The following NR3C2 variants were observed in gnomAD, a reference collection of about 807,000 sequenced individuals.
The protein encoded by NR3C2 is mineralocorticoid receptor.
NR3C2 carries 15 observed loss-of-function variants against 86.4 expected under a neutral mutation model. The observed-to-expected ratio is 0.17, with a 90% CI of 0.12 to 0.27. The LOEUF is 0.27. Among genes scored for constraint, NR3C2 ranks in the 10% least tolerant of loss-of-function variants. The probability of loss-of-function intolerance (pLI) is 1.00; values close to 1 mark genes in which losing one functional copy is unlikely to be tolerated. For synonymous variants in NR3C2, 458 were observed against 450.5 expected (o/e 1.02, Z -0.21); for missense variants, 960 against 1,195.6 (o/e 0.80, Z 2.91).
At chr4:148,310,648 A>G (rs1401136188) in intron 2 of NR3C2, among the ~76,000 whole-genome samples, 1 of 152,092 alleles carries the variant, frequency 6.6e-6, no homozygotes, top group African/African-American at 2.4e-5. Flanking sequence ...TTCGCCTGGT[A>G]AATCAGCTCC....
chr4:148,177,757 C>T (rs1437963966), intron 4 of NR3C2, among the ~76,000 whole-genome samples: 1 of 152,080 alleles, frequency 6.6e-6, no homozygotes, highest in African/African-American at 2.4e-5. Flanking sequence ...ACCTATGATG[C>T]TTGGTTGTAA....
intron 8 of NR3C2, among the ~76,000 whole-genome samples, chr4:148,084,962 A>G (rs2358243): frequency 0.56 from 85,588 of 151,984 alleles, 24,695 homozygotes; most frequent in East Asian, 0.82. Flanking sequence ...AACTATCCTA[A>G]ATATATATGC....
intron 3 of NR3C2, among the ~76,000 whole-genome samples, chr4:148,235,557 T>A (rs1738708986): frequency 1.3e-5 from 2 of 152,300 alleles, no homozygotes; most frequent in African/African-American, 4.8e-5. Context: ...ACACAACCAT[T>A]CTGAAATGTG....
intron 2 of NR3C2, among the ~76,000 whole-genome samples, chr4:148,361,946 T>A (rs1745860037): frequency 6.6e-6 from 1 of 152,174 alleles, no homozygotes; most frequent in East Asian, 1.9e-4. Flanking sequence ...CAAGCAATTC[T>A]CCCGCCTCAG....
chr4:148,287,506 A>G (rs1376563222), intron 2 of NR3C2, among the ~76,000 whole-genome samples: 1 of 152,184 alleles, frequency 6.6e-6, no homozygotes, highest in African/African-American at 2.4e-5. Context: ...TTGGAAGAAC[A>G]CTTTAGTGAA....
intron 3 of NR3C2, among the ~76,000 whole-genome samples, chr4:148,212,830 CT>C (rs1335965341): frequency 1.3e-5 from 2 of 152,174 alleles, no homozygotes; most frequent in Non-Finnish European, 2.9e-5. Flanking sequence ...GCCTCTGCCT[CT>C]TTATAAGGAC....
intron 2 of NR3C2, among the ~76,000 whole-genome samples, chr4:148,359,766 C>A (rs1482982886): frequency 6.6e-6 from 1 of 152,052 alleles, no homozygotes; most frequent in African/African-American, 2.4e-5. Context: ...CAGAATGTTA[C>A]GTGTCATTTC....
In NR3C2 at chr4:148,081,175, G is replaced by A. The variant is rs1047633565; in HGVS notation, c.*169C>T. On this transcript the variant is annotated 3_prime_UTR_variant, in exon 9 of 9. Coordinates refer to ENST00000358102, the MANE Select transcript of NR3C2 (RefSeq NM_000901.5). ...ACTGCTCTGGTCTCGCCAAATCCAC[G>A]GAAAAACAGCTTTCCCGGCTCCAAA... The A allele has an allele frequency of 1.9e-5, 18 of 930,088 alleles. No homozygotes were observed. Among genetic ancestry groups the A allele is most frequent in the South Asian group, 1.2e-4 (8 of 65,942 alleles). 57.6% of individuals were successfully genotyped at this position (930,088 alleles called of 1,614,324 possible). A position where few individuals can be genotyped will look rare whatever the true frequency, so the allele number is the denominator to read the frequency against.
At chr4:148,387,022 T>C (rs1487364678) in intron 2 of NR3C2, among the ~76,000 whole-genome samples, 1 of 152,164 alleles carries the variant, frequency 6.6e-6, no homozygotes, top group East Asian at 1.9e-4. Context: ...ATTTCTCAGC[T>C]GAGAAACTAA....
chr4:148,179,970 T>C (rs967319782), intron 4 of NR3C2, among the ~76,000 whole-genome samples: 1 of 151,696 alleles, frequency 6.6e-6, no homozygotes, highest in African/African-American at 2.4e-5. Context: ...TTATTGTCTA[T>C]AAGCAAGGAG....
At chr4:148,269,586 A>C (rs1195458327) in intron 2 of NR3C2, among the ~76,000 whole-genome samples, 1 of 152,218 alleles carries the variant, frequency 6.6e-6, no homozygotes, top group Non-Finnish European at 1.5e-5. Context: ...TGCATATGCC[A>C]ATCAGCGGTT....
At chr4:148,345,272 C>G (rs927126817) in intron 2 of NR3C2, among the ~76,000 whole-genome samples, 1 of 151,448 alleles carries the variant, frequency 6.6e-6, no homozygotes, top group African/African-American at 2.4e-5. Context: ...CAGAGAGAGA[C>G]AATACATATA....
At chr4:148,291,893 T>C (rs771777067) in intron 2 of NR3C2, among the ~76,000 whole-genome samples, 10 of 152,152 alleles carry the variant, frequency 6.6e-5, no homozygotes, top group Non-Finnish European at 1.2e-4. Context: ...TCAGAACACT[T>C]ACATTAGCCT....
chr4:148,332,591 G>A (rs760745194), intron 2 of NR3C2, among the ~76,000 whole-genome samples: 11 of 152,280 alleles, frequency 7.2e-5, no homozygotes, highest in Admixed American at 2.0e-4. Flanking sequence ...ATGGCTACCA[G>A]ACTGTCCTTG....
chr4:148,344,590 C>T (rs1001924562), intron 2 of NR3C2, among the ~76,000 whole-genome samples: 1 of 152,138 alleles, frequency 6.6e-6, no homozygotes, highest in Non-Finnish European at 1.5e-5. Flanking sequence ...TTAGCAGGAG[C>T]TGGAATACAG....
intron 4 of NR3C2, among the ~76,000 whole-genome samples, chr4:148,194,544 T>C (rs1046994635): frequency 9.2e-5 from 14 of 152,214 alleles, no homozygotes; most frequent in African/African-American, 3.1e-4. Context: ...ACTAGAACTA[T>C]AGCCATAAAA....
intron 2 of NR3C2, among the ~76,000 whole-genome samples, chr4:148,411,961 C>T (rs1748729025): frequency 1.3e-5 from 2 of 152,282 alleles, no homozygotes; most frequent in South Asian, 4.1e-4. Context: ...AGGGAGACAG[C>T]ATCAATTTAA....
intron 3 of NR3C2, among the ~76,000 whole-genome samples, chr4:148,257,482 C>T (rs917153246): frequency 2.0e-5 from 3 of 152,010 alleles, no homozygotes; most frequent in African/African-American, 7.3e-5. Context: ...GTTTGGAGTC[C>T]TATGACTTGA....
chr4:148,444,089 TG>T, upstream of NR3C2: 1 of 985,368 alleles, frequency 1.0e-6, no homozygotes. Context: ...CCCAGCGAAC[TG>T]GGCATCGATC....
Sources: allele counts gnomAD v4.1 joint callset (sites outside exome capture counted in the v4.1 genomes callset), GRCh38; gene constraint gnomAD v4.1.1; transcripts MANE v1.5; gene names NCBI Gene and HGNC (gene_info 2026-07-23, HGNC 2026-07-21).